Variants in RIF1 observed in about 807,000 individuals in gnomAD.
RIF1 encodes replication timing regulatory factor 1.
Under a neutral mutation model 247.1 loss-of-function variants are expected in RIF1, and 45 were observed. The observed-to-expected ratio is 0.18, with a 90% CI of 0.14 to 0.23. The LOEUF (loss-of-function observed/expected upper bound fraction) is 0.23. Among genes scored for constraint, RIF1 ranks in the 10% least tolerant of loss-of-function variants. The pLI is 1.00. For missense variants in RIF1, 2,967 were observed against 2,862.5 expected (o/e 1.04, Z -0.83); for synonymous variants, 1,087 against 978.8 (o/e 1.11, Z -2.06).
rs1424209326 is a variant in RIF1 at position 151,443,513 on chromosome 2, A to G, written c.1806-16A>G. On this transcript the variant is annotated splice_polypyrimidine_tract_variant and intron_variant, in intron 17 of 35. Coordinates refer to ENST00000444746, the MANE Select transcript of RIF1 (RefSeq NM_018151.5). ...CTGCCAAAAAGTTGATGCATTTTTTATAATTTTTTGTTCAGGTTCTTTCTC... is the reference window on the plus strand; with the variant it reads ...CTGCCAAAAAGTTGATGCATTTTTTGTAATTTTTTGTTCAGGTTCTTTCTC... The G allele has an allele frequency of 1.0e-5, 16 of 1,540,614 alleles. No homozygotes were observed. Among genetic ancestry groups the G allele is most frequent in the Admixed American group, 2.3e-5 (1 of 43,612 alleles).
At chr2:151,507,000 C>T (rs1339174304) in intron 13 of RIF1, 1 of 1,595,298 alleles carries the variant, frequency 6.3e-7, no homozygotes, top group Admixed American at 1.7e-5. Context: ...TTTAAGGTCA[C>T]ACTGGTATTG....
chr2:151,435,070 C>T (rs1690913740), intron 10 of RIF1, among the ~76,000 whole-genome samples: 2 of 151,850 alleles, frequency 1.3e-5, no homozygotes, highest in South Asian at 2.1e-4. Flanking sequence ...TATAAGGGTC[C>T]AATAGGCTAA....
chr2:151,524,482 T>G, the RIF1 span: 1 of 1,613,242 alleles, frequency 6.2e-7, no homozygotes, highest in Non-Finnish European at 8.5e-7. Context: ...CAATGGCTGT[T>G]GGGGACTGGG....
At chr2:151,501,480 A>C in intron 11 of RIF1, 1 of 1,486,062 alleles carries the variant, frequency 6.7e-7, no homozygotes, top group Non-Finnish European at 9.0e-7. Flanking sequence ...TCTTTGTACA[A>C]TATCTGTGTG....
chr2:151,505,398 G>C, intron 12 of RIF1: 2 of 1,196,232 alleles, frequency 1.7e-6, no homozygotes, highest in Non-Finnish European at 2.5e-6. Flanking sequence ...TTGATAGGAA[G>C]CAGAAAGATG....
At chr2:151,512,097 C>G (rs1290829354), downstream of RIF1, among the ~76,000 whole-genome samples, 1 of 138,088 alleles carries the variant, frequency 7.2e-6, no homozygotes, top group Non-Finnish European at 1.5e-5. Context: ...GTGGCGTGAT[C>G]TCGGCTCACT....
chr2:151,488,369 G>A (rs1054405220), intron 9 of RIF1, among the ~76,000 whole-genome samples: 11 of 151,648 alleles, frequency 7.3e-5, no homozygotes, highest in Admixed American at 2.0e-4. Context: ...AATTGTGGCC[G>A]GGCTGAGTGG....
At chr2:151,492,818 C>A (rs1225060578) in intron 9 of RIF1, 2 of 201,536 alleles carry the variant, frequency 9.9e-6, no homozygotes, top group Non-Finnish European at 2.0e-5. Context: ...GGCTCTAAAT[C>A]TGACATTGTA....
rs933169506 is a variant in RIF1 at position 151,479,306 on chromosome 2, G to A, written c.*4235G>A. On this transcript the variant is annotated 3_prime_UTR_variant, in exon 36 of 36. Transcript: ENST00000444746. ...TTAAGAGCCTTTTAAAAATATGGAC[G>A]ATTTATTTTTTAAGTAGGCAGACTA... The A allele has an allele frequency of 6.6e-6, 1 of 152,248 alleles. No homozygotes were observed. The highest frequency in any genetic ancestry group is 1.9e-4 in the East Asian group (1 of 5,192). 9.4% of individuals were successfully genotyped at this position (152,248 alleles called of 1,614,324 possible). A position where few individuals can be genotyped will look rare whatever the true frequency, so the allele number is the denominator to read the frequency against.
Position 151,468,695 on chromosome 2 carries a change from C to T in RIF1, c.6880C>T (p.Pro2294Ser), listed in dbSNP as rs1697338408. 1 of 1,613,992 alleles carries T rather than the reference C, an allele frequency of 6.2e-7. No individual in the cohort carries two copies. Among genetic ancestry groups the T allele is most frequent in the African/African-American group, 1.3e-5 (1 of 75,032 alleles). The change falls in exon 33 of 36, where the codon CCA becomes TCA. Residue 2294 changes from proline (P) to serine (S), a missense_variant. Transcript: ENST00000444746. ...IPCPTESVYP[P>S]LVNCVAPVDI... ...ATGCCCAACAGAAAGTGTTTACCCA[C>T]CATTGGTGAACTGTGTGGCACCAGT... is the stretch of plus-strand genomic sequence containing the variant.
chr2:151,465,253 A>G lies in RIF1; in HGVS notation c.5733A>G (p.Leu1911=). ...CATGTAAAGTAACAGAATCCAATCT[A>G]GAGAAAGCAAAAACTATGGAATTGA... ...GNACKVTESN[L]EKAKTMELNV... is the part of the protein sequence containing the mutation. Residue 1911 remains leucine (L), a synonymous_variant, in exon 30 of 36, where the codon CTA becomes CTG. Transcript: ENST00000444746. 6.2e-7 allele frequency: 1 copy of G among 1,611,290 alleles called. No individual in the cohort carries two copies. The highest frequency in any genetic ancestry group is 8.5e-7 in the Non-Finnish European group (1 of 1,179,388).
In RIF1 at chr2:151,493,390, A is replaced by C. The variant is rs778196202; in HGVS notation, c.*416-1839A>C. On this transcript the variant is annotated intron_variant and NMD_transcript_variant, in intron 9 of 13. Coordinates refer to the RIF1 transcript ENST00000454583. ...TTCTTGGTTGCGCTTAGCTCTCTCC[A>C]TCTCTGGAGTAACAGGTGTCGGAGT... The C allele has an allele frequency of 3.1e-6, 5 of 1,611,978 alleles. No individual in the cohort carries two copies. The highest frequency in any genetic ancestry group is 4.2e-6 in the Non-Finnish European group (5 of 1,179,286).
intron 34 of RIF1, among the ~76,000 whole-genome samples, chr2:151,470,654 A>C (rs1305802994): frequency 6.6e-6 from 1 of 152,168 alleles, no homozygotes; most frequent in East Asian, 1.9e-4. Flanking sequence ...AATGAAAAAT[A>C]GAATAAGCAG....
At chr2:151,501,431 T>A in intron 11 of RIF1, 1 of 1,548,314 alleles carries the variant, frequency 6.5e-7, no homozygotes, top group Non-Finnish European at 8.7e-7. Flanking sequence ...TCGCTCCATC[T>A]CAGGAGTGAC....
intron 1 of RIF1, 114 bp downstream of exon 1, chr2:151,410,147 G>A (rs1685887951): frequency 1.5e-6 from 1 of 671,512 alleles, no homozygotes; most frequent in Non-Finnish European, 2.7e-6. Context: ...GCCCTCCGCC[G>A]ATCTCCTCCC....
chr2:151,461,616 TCTC>T (rs1346402988), intron 27 of RIF1, among the ~76,000 whole-genome samples: 14 of 152,026 alleles, frequency 9.2e-5, no homozygotes, highest in African/African-American at 3.1e-4. Context: ...ATGGTCTTGA[TCTC>T]CTGACCTCGT....
chr2:151,458,702 TAAAG>T (rs1280803820), intron 24 of RIF1, 105 bp from the exon 25 acceptor site: 15 of 486,012 alleles, frequency 3.1e-5, no homozygotes, highest in Non-Finnish European at 5.4e-5. Flanking sequence ...TATTTAAAAA[TAAAG>T]ATGTATTTTG....
At chr2:151,493,796 G>A (rs781124672) in intron 9 of RIF1, 1 of 1,582,226 alleles carries the variant, frequency 6.3e-7, no homozygotes. Context: ...TTTCTTGATT[G>A]CGTTTCACTC....
chr2:151,499,484 G>T, exon 11 of RIF1: 1 of 692,962 alleles, frequency 1.4e-6, no homozygotes, highest in Non-Finnish European at 2.6e-6. Context: ...AACTACAGAC[G>T]TCAGACAGAA....
Sources: gnomAD v4.1 joint callset for allele counts (sites outside exome capture counted in the v4.1 genomes callset) on GRCh38, gnomAD v4.1.1 for gene constraint, MANE v1.5 for transcripts, NCBI Gene and HGNC (gene_info 2026-07-23, HGNC 2026-07-21) for gene names.